LRPPRC: variants seen among roughly 807,000 people sequenced by gnomAD.
LRPPRC encodes the protein leucine rich pentatricopeptide repeat containing.
LRPPRC carries 120 observed loss-of-function variants against 180.3 expected under a neutral mutation model. That is an observed-to-expected ratio of 0.67 (90% CI 0.57 to 0.77). The LOEUF is 0.77. Among genes scored for constraint, LRPPRC ranks in the 30% least tolerant of loss-of-function variants. LRPPRC has a pLI of 0.00. For missense variants in LRPPRC, 2,012 were observed against 1,657.2 expected (o/e 1.21, Z -3.72); for synonymous variants, 723 against 600.0 (o/e 1.21, Z -3.00).
intron 27 of LRPPRC, among the ~76,000 whole-genome samples, chr2:43,918,972 A>C (rs868104752): frequency 6.6e-6 from 1 of 152,124 alleles, no homozygotes. Flanking sequence ...CGGTATACAT[A>C]TATCTATGAT....
chr2:43,907,877 G>A (rs1190599578), intron 30 of LRPPRC, among the ~76,000 whole-genome samples: 1 of 152,124 alleles, frequency 6.6e-6, no homozygotes, highest in East Asian at 1.9e-4. Context: ...TTTAGGAGAA[G>A]TTTTGTTGCC....
chr2:43,904,931 C>G (rs1259129775), intron 31 of LRPPRC, among the ~76,000 whole-genome samples: 1 of 152,074 alleles, frequency 6.6e-6, no homozygotes, highest in Non-Finnish European at 1.5e-5. Context: ...AGCTACTTAG[C>G]TAAATTTAAG....
At chr2:43,946,019 T>A (rs1337129267) in intron 21 of LRPPRC, 94 bp downstream of exon 21, 121 of 1,293,964 alleles carry the variant, frequency 9.4e-5, no homozygotes, top group Non-Finnish European at 1.3e-4. Context: ...AAAAATGACA[T>A]TATATAAGAG....
At chr2:43,948,298 A>C (rs1278674906) in intron 17 of LRPPRC, 99 bp from the exon 18 acceptor site, 4 of 931,904 alleles carry the variant, frequency 4.3e-6, no homozygotes, top group Non-Finnish European at 5.4e-6. Context: ...TTAAGTCTCC[A>C]ACTCTTGCAT....
chr2:43,976,994 C>T lies in LRPPRC; in HGVS notation c.650G>A (p.Ser217Asn). The change falls in exon 5 of 38, where the codon AGC becomes AAC. Residue 217 changes from serine to asparagine, a missense_variant and splice_region_variant. Physicochemically the swap from Ser to Asn is conservative, Grantham distance 46 (BLOSUM62 1). Transcript: ENST00000260665. ...YCNVGDIEGASKILGFMKTKD... is the reference protein window; with the variant it reads ...YCNVGDIEGANKILGFMKTKD... Reference sequence around the variant, plus strand: ...TAAACATGTTCATACAGATCCATACCTGGCACCTTCAATATCTCCTACATT... The same window carrying T: ...TAAACATGTTCATACAGATCCATACTTGGCACCTTCAATATCTCCTACATT... The T allele has an allele frequency of 6.2e-7, 1 of 1,612,354 alleles. No individual in the cohort carries two copies. The highest frequency in any genetic ancestry group is 8.5e-7 in the Non-Finnish European group (1 of 1,178,628).
chr2:43,946,077 A>T, intron 21 of LRPPRC, 36 bp downstream of exon 21: 1 of 1,603,878 alleles, frequency 6.2e-7, no homozygotes, highest in Non-Finnish European at 8.5e-7. Flanking sequence ...GAGCAGAATA[A>T]ATGTTGACAA....
Position 43,912,419 on chromosome 2 carries a change from G to C in LRPPRC, c.3275+13C>G. ...TTTTAAACAAGAGGTTTAATAAATG[G>C]ACTAACACTTACAATGCTTTCACTT... On this transcript the variant is annotated intron_variant, in intron 30 of 37. Transcript: ENST00000260665. 1 of 1,606,466 alleles carries C rather than the reference G, an allele frequency of 6.2e-7. No individual in the cohort carries two copies. The highest frequency in any genetic ancestry group is 1.3e-5 in the African/African-American group (1 of 74,858).
chr2:43,921,074 T>C (rs1475914869), intron 27 of LRPPRC, among the ~76,000 whole-genome samples: 2 of 152,102 alleles, frequency 1.3e-5, no homozygotes, highest in Non-Finnish European at 2.9e-5. Flanking sequence ...GGCAGATTAG[T>C]TGAGGCCAGG....
Position 43,973,724 on chromosome 2 carries a change from A to G in LRPPRC, c.1262-10T>C, listed in dbSNP as rs374918714. 3.7e-5 allele frequency: 59 copies of G among 1,608,056 alleles called. No individual in the cohort carries two copies. In the African/African-American group the frequency reaches 4.8e-4, roughly 13 times the overall value. ...AAGGCTTTTGCCAAATCTGAAAGAG[A>G]TATCATAAAAGATCACAAAGCTACC... is the stretch of plus-strand genomic sequence containing the variant. On this transcript the variant is annotated splice_polypyrimidine_tract_variant and intron_variant, in intron 10 of 37. Coordinates refer to ENST00000260665, the MANE Select transcript of LRPPRC (RefSeq NM_133259.4).
intron 11 of LRPPRC, among the ~76,000 whole-genome samples, chr2:43,966,040 A>G (rs931087346): frequency 6.6e-6 from 1 of 152,232 alleles, no homozygotes; most frequent in Non-Finnish European, 1.5e-5. Flanking sequence ...CATTATTCAC[A>G]GTACCCAAGA....
At chr2:43,945,222 CAA>C (rs891527624) in intron 22 of LRPPRC, 108 bp downstream of exon 22, 61 of 784,596 alleles carry the variant, frequency 7.8e-5, no homozygotes, top group Non-Finnish European at 1.3e-4. Context: ...AATTTCTATG[CAA>C]AGTGTTCAAG....
chr2:43,928,360 TA>T (rs929324126), intron 25 of LRPPRC, among the ~76,000 whole-genome samples: 35 of 152,324 alleles, frequency 2.3e-4, no homozygotes, highest in African/African-American at 7.7e-4. Context: ...TATTACCTGT[TA>T]GGTAAAAAGA....
rs1221741902 is a variant in LRPPRC at position 43,960,608 on chromosome 2, A to G, written c.1515T>C (p.Asp505=). 1 of 1,598,726 alleles carries G rather than the reference A, an allele frequency of 6.3e-7. No individual in the cohort carries two copies. The highest frequency in any genetic ancestry group is 8.6e-7 in the Non-Finnish European group (1 of 1,167,392). The part of the protein sequence containing the change: ...LQENGCLSDS[D]MFSQAGLRSE... Reference sequence around the variant, plus strand: ...TTCTCAATCCAGCTTGAGAAAACATATCACTATCAGACAGACATCCATTTT... The same window carrying G: ...TTCTCAATCCAGCTTGAGAAAACATGTCACTATCAGACAGACATCCATTTT... The change falls in exon 13 of 38, where the codon GAT becomes GAC. Residue 505 remains aspartate, a synonymous_variant. Coordinates refer to ENST00000260665, the MANE Select transcript of LRPPRC (RefSeq NM_133259.4).
At chr2:43,905,851 A>C in intron 30 of LRPPRC, 71 bp from the exon 31 acceptor site, 1 of 992,878 alleles carries the variant, frequency 1.0e-6, no homozygotes, top group Non-Finnish European at 1.6e-6. Flanking sequence ...GTTGAGCACC[A>C]AGGTGAAATT....
chr2:43,957,119 A>G (rs1673151063), intron 14 of LRPPRC, among the ~76,000 whole-genome samples: 1 of 152,226 alleles, frequency 6.6e-6, no homozygotes, highest in South Asian at 2.1e-4. Flanking sequence ...CTGTAACTCC[A>G]ACTTGCCATT....
At chr2:43,928,629 T>C (rs949367642) in intron 25 of LRPPRC, among the ~76,000 whole-genome samples, 7 of 152,150 alleles carry the variant, frequency 4.6e-5, no homozygotes, top group African/African-American at 1.7e-4. Flanking sequence ...TATGCACCTG[T>C]AGTCCCAGCT....
chr2:43,973,300 CTA>C (rs1329076743), intron 11 of LRPPRC, among the ~76,000 whole-genome samples: 29 of 151,976 alleles, frequency 1.9e-4, no homozygotes, highest in South Asian at 1.0e-3. Context: ...ATTTCAAACA[CTA>C]TATATAAAAT....
chr2:43,992,882 A>AT (rs1674848434), intron 1 of LRPPRC, among the ~76,000 whole-genome samples: 1 of 152,184 alleles, frequency 6.6e-6, no homozygotes, highest in South Asian at 2.1e-4. Flanking sequence ...TAGATGGTCC[A>AT]TATCTGGGAG....
In LRPPRC at chr2:43,948,203, T is replaced by C. The variant is rs756725466; in HGVS notation, c.1843-4A>G. On this transcript the variant is annotated splice_polypyrimidine_tract_variant and splice_region_variant and intron_variant, in intron 17 of 37. Transcript: ENST00000260665. ...TATTTTCAGGAATTTTTACATTCTGTGAGAAGGGAAGGGAGGGGGGAAAAA... is the reference window on the plus strand; with the variant it reads ...TATTTTCAGGAATTTTTACATTCTGCGAGAAGGGAAGGGAGGGGGGAAAAA... 2 of 1,555,308 alleles carry C rather than the reference T, an allele frequency of 1.3e-6. No homozygotes were observed. Among genetic ancestry groups the C allele is most frequent in the South Asian group, 2.2e-5 (2 of 89,918 alleles).
Sources: gnomAD v4.1 joint callset for allele counts (sites outside exome capture counted in the v4.1 genomes callset) on GRCh38, gnomAD v4.1.1 for gene constraint, MANE v1.5 for transcripts, NCBI Gene and HGNC (gene_info 2026-07-23, HGNC 2026-07-21) for gene names.